The following BRF1 variants were observed in gnomAD, a reference collection of about 807,000 sequenced individuals.
The protein encoded by BRF1 is transcription factor IIIB 90 kDa subunit.
A neutral mutation model predicts 81.7 loss-of-function variants in BRF1; 59 were observed. That is an observed-to-expected ratio of 0.72 (90% confidence interval 0.59 to 0.90). BRF1 has a LOEUF of 0.90. BRF1 is among the 40% of genes least tolerant of loss of function. The pLI is 0.00. For synonymous variants in BRF1, 491 were observed against 395.6 expected (o/e 1.24, Z -2.86); for missense variants, 1,050 against 936.3 (o/e 1.12, Z -1.58).
intron 14 of BRF1, 151 bp from the exon 15 acceptor site, chr14:105,217,951 G>T (rs587639327): frequency 6.3e-4 from 817 of 1,301,548 alleles, no homozygotes; most frequent in Non-Finnish European, 8.0e-4. Flanking sequence ...CAGAATGTGG[G>T]CCAGCCTGGT....
intron 6 of BRF1, 111 bp from the exon 7 acceptor site, chr14:105,229,024 A>T (rs190601772): frequency 2.0e-6 from 2 of 976,790 alleles, no homozygotes; most frequent in Non-Finnish European, 3.2e-6. Flanking sequence ...TGGCCTGAGA[A>T]GACGTGTCTG....
chr14:105,309,471 C>T lies in BRF1; in HGVS notation c.-162+5851G>A, dbSNP rs1239494039. On this transcript the variant is annotated intron_variant, in intron 1 of 17. Transcript: ENST00000327359. The surrounding 1 kb of genome is among the most constrained non-coding windows in gnomAD (Gnocchi z 4.0). ...GTCATTTCCCCTGGACTGGACATTCCTTTCTGTAGGTGTTGCTGTTTGAAA... is the reference window on the plus strand; with the variant it reads ...GTCATTTCCCCTGGACTGGACATTCTTTTCTGTAGGTGTTGCTGTTTGAAA... 6.6e-6 allele frequency among the ~76,000 whole-genome samples: 1 copy of T among 152,238 alleles called. No homozygotes were observed. The highest frequency in any genetic ancestry group is 2.4e-5 in the African/African-American group (1 of 41,456).
chr14:105,217,263 A>G (rs1230759535), intron 15 of BRF1: 3 of 548,604 alleles, frequency 5.5e-6, no homozygotes, highest in Non-Finnish European at 9.7e-6. Flanking sequence ...GACCCCACGG[A>G]TTGTCCCAGC....
intron 15 of BRF1, among the ~76,000 whole-genome samples, chr14:105,215,785 C>A (rs1891095080): frequency 6.7e-6 from 1 of 148,708 alleles, no homozygotes; most frequent in African/African-American, 2.5e-5. Context: ...ACTGCACACA[C>A]ACACATGCAC....
chr14:105,256,260 A>C, intron 4 of BRF1: 2 of 1,543,900 alleles, frequency 1.3e-6, no homozygotes, highest in Non-Finnish European at 1.7e-6. Flanking sequence ...ACCCAGGCCT[A>C]GCTAACACCC....
intron 15 of BRF1, among the ~76,000 whole-genome samples, chr14:105,215,434 C>T (rs1212664283): frequency 6.6e-6 from 1 of 151,292 alleles, no homozygotes; most frequent in Non-Finnish European, 1.5e-5. Context: ...TGTGCAGTCA[C>T]AGATACAGGC....
chr14:105,297,139 C>A lies in BRF1; in HGVS notation c.184+3307G>T, dbSNP rs587720877. ...CACCACTGCACTCCAGCCTGAGTGA[C>A]AGAGCGAGACTCCATCTCAAAAAAA... On this transcript the variant is annotated intron_variant, in intron 1 of 17. Coordinates refer to ENST00000547530, the MANE Select transcript of BRF1 (RefSeq NM_001519.4). Among the ~76,000 whole-genome samples the A allele has an allele frequency of 2.6e-5, 4 of 152,148 alleles. No homozygotes were observed. In the East Asian group the frequency reaches 7.7e-4, roughly 29 times the overall value.
chr14:105,298,893 G>A (rs587626609), intron 1 of BRF1, among the ~76,000 whole-genome samples: 14 of 141,894 alleles, frequency 9.9e-5, no homozygotes, highest in South Asian at 2.3e-4. Flanking sequence ...CTTTGAGGCC[G>A]TGCGCAGTGG....
At chr14:105,288,622 T>C (rs1052682140) in intron 1 of BRF1, among the ~76,000 whole-genome samples, 2 of 146,410 alleles carry the variant, frequency 1.4e-5, no homozygotes, top group African/African-American at 5.1e-5. Flanking sequence ...GACCCATTTC[T>C]TTCTTTCTTT....
At chr14:105,218,248 G>A (rs1276570104) in intron 14 of BRF1, among the ~76,000 whole-genome samples, 3 of 152,206 alleles carry the variant, frequency 2.0e-5, no homozygotes, top group Non-Finnish European at 4.4e-5. Context: ...CGAAGACCCT[G>A]GATCTCCTTC....
intron 3 of BRF1, among the ~76,000 whole-genome samples, chr14:105,256,959 T>C (rs1438884294): frequency 6.6e-6 from 1 of 152,134 alleles, no homozygotes; most frequent in Non-Finnish European, 1.5e-5. Context: ...GTGGCACTCA[T>C]GCTCCATCCC....
rs746447007 is a variant in BRF1 at position 105,212,155 on chromosome 14, A to G, written c.1782T>C (p.Pro594=). The part of the protein sequence containing the change: ...PVTSVGKRLR[P]LVSTQPAKKV... ...TCTTTGCTGGCTGCGTAGACACCAG[A>G]GGCCTCAACCTGCAAAAGGAAGCAC... The change falls in exon 16 of 18, where the codon CCT becomes CCC. Residue 594 remains proline, a synonymous_variant. Transcript: ENST00000547530. 4.3e-6 allele frequency: 7 copies of G among 1,612,348 alleles called. No individual in the cohort carries two copies. In the African/African-American group the frequency reaches 8.0e-5, roughly 18 times the overall value.
At chr14:105,296,286 A>C (rs781586352) in intron 1 of BRF1, among the ~76,000 whole-genome samples, 70 of 152,060 alleles carry the variant, frequency 4.6e-4, no homozygotes, top group Non-Finnish European at 6.2e-4. Context: ...GGACTTTGGG[A>C]GGCCGAGGTG....
intron 1 of BRF1, among the ~76,000 whole-genome samples, chr14:105,298,075 T>G (rs1194083680): frequency 1.3e-5 from 2 of 152,226 alleles, no homozygotes; most frequent in Non-Finnish European, 2.9e-5. Context: ...AAGGAAATGC[T>G]CACTGGAGCA....
chr14:105,249,417 G>T, intron 5 of BRF1: 1 of 1,611,830 alleles, frequency 6.2e-7, no homozygotes, highest in Non-Finnish European at 8.5e-7. Context: ...AGACCTGGCG[G>T]AAGTCAAATC....
intron 2 of BRF1, 137 bp downstream of exon 2, chr14:105,286,159 C>G: frequency 1.0e-6 from 1 of 999,302 alleles, no homozygotes; most frequent in East Asian, 2.7e-5. Flanking sequence ...GGAAAGCAGC[C>G]TGGGCTGGGC....
At chr14:105,275,619 TAA>T (rs2056850375) in intron 2 of BRF1, among the ~76,000 whole-genome samples, 1 of 152,122 alleles carries the variant, frequency 6.6e-6, no homozygotes, top group African/African-American at 2.4e-5. Context: ...TAATAAAAGG[TAA>T]GAGAGAGGTA....
chr14:105,281,308 C>A (rs1487829022), intron 2 of BRF1, among the ~76,000 whole-genome samples: 1 of 141,046 alleles, frequency 7.1e-6, no homozygotes, highest in Non-Finnish European at 1.5e-5. Context: ...ATCCTGAGCC[C>A]GGGTGTGTGG....
intron 11 of BRF1, among the ~76,000 whole-genome samples, chr14:105,220,783 G>GAGCAC (rs1445767771): frequency 2.6e-5 from 4 of 152,238 alleles, no homozygotes; most frequent in African/African-American, 9.6e-5. Flanking sequence ...GACTGTCTGA[G>GAGCAC]GTGCTCTCCT....
Sources: allele counts gnomAD v4.1 joint callset (sites outside exome capture counted in the v4.1 genomes callset), GRCh38; gene constraint gnomAD v4.1.1; non-coding constraint Gnocchi (gnomAD v3.1); transcripts MANE v1.5; gene names NCBI Gene and HGNC (gene_info 2026-07-23, HGNC 2026-07-21).